AFF3: variants seen among roughly 807,000 people sequenced by gnomAD.
AFF3 encodes the protein ALF transcription elongation factor 3.
A neutral mutation model predicts 129.7 loss-of-function variants in AFF3; 32 were observed. The observed-to-expected ratio is 0.25, with a 90% CI of 0.19 to 0.33. The LOEUF is 0.33. Among genes scored for constraint, AFF3 ranks in the 10% least tolerant of loss-of-function variants. The probability of loss-of-function intolerance (pLI) is 1.00; values close to 1 mark genes in which losing one functional copy is unlikely to be tolerated. For synonymous variants in AFF3, 644 were observed against 635.4 expected (o/e 1.01, Z -0.20); for missense variants, 1,373 against 1,592.0 (o/e 0.86, Z 2.34).
intron 13 of AFF3, among the ~76,000 whole-genome samples, chr2:99,620,723 C>T (rs1261035830): frequency 1.3e-5 from 2 of 152,140 alleles, no homozygotes; most frequent in African/African-American, 4.8e-5. Flanking sequence ...GGAGGTGGGG[C>T]CTAGTGGGAG....
intron 4 of AFF3, among the ~76,000 whole-genome samples, chr2:100,009,505 T>C (rs1393955996): frequency 6.6e-6 from 1 of 152,116 alleles, no homozygotes; most frequent in African/African-American, 2.4e-5. Context: ...TTCCTTCTGA[T>C]ATATTTGACA....
intron 13 of AFF3, among the ~76,000 whole-genome samples, chr2:99,624,968 T>C (rs929502363): frequency 6.6e-6 from 1 of 152,070 alleles, no homozygotes; most frequent in African/African-American, 2.4e-5. Flanking sequence ...CCACACACAC[T>C]TGACACACAC....
chr2:99,964,777 G>A (rs889607038), intron 7 of AFF3, among the ~76,000 whole-genome samples: 2 of 152,112 alleles, frequency 1.3e-5, no homozygotes, highest in Admixed American at 6.5e-5. Context: ...GGACACAAGG[G>A]CAACATAAGG....
At chr2:99,915,745 G>T (rs1236852805) in intron 7 of AFF3, among the ~76,000 whole-genome samples, 2 of 152,184 alleles carry the variant, frequency 1.3e-5, no homozygotes, top group Non-Finnish European at 2.9e-5. Context: ...AAATGAATTT[G>T]CTATTTCTGG....
chr2:99,831,728 T>C (rs1427682194), intron 8 of AFF3, among the ~76,000 whole-genome samples: 2 of 152,162 alleles, frequency 1.3e-5, no homozygotes, highest in Non-Finnish European at 2.9e-5. Context: ...TATAAAGATG[T>C]TATGAAAATG....
At chr2:99,898,720 C>T (rs1406728897) in intron 7 of AFF3, among the ~76,000 whole-genome samples, 1 of 152,208 alleles carries the variant, frequency 6.6e-6, no homozygotes, top group African/African-American at 2.4e-5. Context: ...CCTCTTGCGG[C>T]CACCCACTCT....
At chr2:99,932,742 A>T (rs1212226030) in intron 7 of AFF3, among the ~76,000 whole-genome samples, 2 of 152,210 alleles carry the variant, frequency 1.3e-5, no homozygotes, top group African/African-American at 2.4e-5. Context: ...GCTCCACAAC[A>T]TCAGTTTTAC....
intron 7 of AFF3, among the ~76,000 whole-genome samples, chr2:99,969,705 G>A (rs531331603): frequency 6.6e-6 from 1 of 152,134 alleles, no homozygotes; most frequent in Non-Finnish European, 1.5e-5. Context: ...GTTTCACCAT[G>A]TTGGCCAGAC....
chr2:99,954,466 A>G (rs1017403736), intron 7 of AFF3, among the ~76,000 whole-genome samples: 1 of 152,098 alleles, frequency 6.6e-6, no homozygotes, highest in Non-Finnish European at 1.5e-5. Flanking sequence ...ACATGCACAC[A>G]TATGTTTACT....
chr2:99,696,398 C>T (rs1393907154), intron 11 of AFF3, among the ~76,000 whole-genome samples: 1 of 152,150 alleles, frequency 6.6e-6, no homozygotes, highest in Non-Finnish European at 1.5e-5. Flanking sequence ...TCTAACACTT[C>T]TATTACTCAA....
intron 4 of AFF3, among the ~76,000 whole-genome samples, chr2:100,102,022 T>C (rs976843516): frequency 9.3e-5 from 14 of 150,372 alleles, no homozygotes; most frequent in African/African-American, 3.2e-4. Flanking sequence ...AAAGCTTCTA[T>C]TTCCTCATCT....
At chr2:99,684,265 A>T (rs2104582869) in intron 11 of AFF3, among the ~76,000 whole-genome samples, 1 of 152,340 alleles carries the variant, frequency 6.6e-6, no homozygotes, top group South Asian at 2.1e-4. Context: ...TGGAATTTTA[A>T]CAACCTTATC....
At chr2:99,884,393 T>TTATG (rs1222370590) in intron 7 of AFF3, among the ~76,000 whole-genome samples, 3 of 152,110 alleles carry the variant, frequency 2.0e-5, no homozygotes, top group Admixed American at 6.5e-5. Context: ...GCTTATTTGC[T>TTATG]TATGTATGTA....
At chr2:99,696,578 G>A (rs1676289823) in intron 11 of AFF3, among the ~76,000 whole-genome samples, 1 of 152,090 alleles carries the variant, frequency 6.6e-6, no homozygotes, top group Non-Finnish European at 1.5e-5. Flanking sequence ...GTCTCTGGAA[G>A]CCCAGAGCAT....
Position 99,672,585 on chromosome 2 carries a change from G to A in AFF3, c.1096C>T (p.Leu366=), listed in dbSNP as rs755545087. The A allele has an allele frequency of 2.5e-6, 4 of 1,614,064 alleles. No individual in the cohort carries two copies. The highest frequency in any genetic ancestry group is 3.4e-6 in the Non-Finnish European group (4 of 1,179,938). ...PDNGTSNTSM[L]EDDLKLSSDE... ...CTGCTTAGCTTAAGGTCATCTTCCA[G>A]CATTCTGAAAGAAGGAACAAAGAGG... The change falls in exon 12 of 25, where the codon CTG becomes TTG. Residue 366 remains leucine, a synonymous_variant. Coordinates refer to ENST00000672756, the MANE Select transcript of AFF3 (RefSeq NM_001386135.1).
chr2:100,008,780 G>A (rs1278671394), intron 5 of AFF3, 32 bp downstream of exon 5: 2 of 1,607,316 alleles, frequency 1.2e-6, no homozygotes, highest in Non-Finnish European at 8.5e-7. Flanking sequence ...AAACAAGTGA[G>A]AGGTAGAGAT....
chr2:99,753,429 C>T (rs1478914268), intron 8 of AFF3, among the ~76,000 whole-genome samples: 2 of 152,136 alleles, frequency 1.3e-5, no homozygotes, highest in Admixed American at 1.3e-4. Flanking sequence ...GCCTGCACTT[C>T]CAAACCTAAG....
At chr2:100,137,817 T>C (rs1280236686) in intron 1 of AFF3, among the ~76,000 whole-genome samples, 1 of 152,168 alleles carries the variant, frequency 6.6e-6, no homozygotes, top group African/African-American at 2.4e-5. Flanking sequence ...GTCCATAACA[T>C]CTATGCCCAG....
intron 17 of AFF3, among the ~76,000 whole-genome samples, chr2:99,581,874 A>G (rs1338461009): frequency 5.5e-5 from 6 of 108,826 alleles, no homozygotes; most frequent in African/African-American, 2.2e-4. Context: ...TTTTTTTTTG[A>G]GACAGAGTCT....
Sources: gnomAD v4.1 joint callset for allele counts (sites outside exome capture counted in the v4.1 genomes callset) on GRCh38, gnomAD v4.1.1 for gene constraint, MANE v1.5 for transcripts, NCBI Gene and HGNC (gene_info 2026-07-23, HGNC 2026-07-21) for gene names.